Variants in COL22A1 observed in about 807,000 individuals in gnomAD.
COL22A1 encodes collagen type XXII alpha 1 chain.
Under a neutral mutation model 248.9 loss-of-function variants are expected in COL22A1, and 221 were observed. The ratio of observed to expected loss-of-function variants is 0.89; its 90% CI spans 0.80 to 0.99. The LOEUF (loss-of-function observed/expected upper bound fraction) is 0.99, where lower values mean the gene tolerates loss of function less well. Among genes scored for constraint, COL22A1 ranks in the 50% least tolerant of loss-of-function variants. The pLI is 0.00. For missense variants in COL22A1, 2,240 were observed against 2,179.0 expected (o/e 1.03, Z -0.56); for synonymous variants, 891 against 793.4 (o/e 1.12, Z -2.07).
chr8:138,841,321 A>C lies in COL22A1; in HGVS notation c.733+2763T>G, dbSNP rs138332815. On this transcript the variant is annotated intron_variant, in intron 4 of 64. Coordinates refer to ENST00000303045, the MANE Select transcript of COL22A1 (RefSeq NM_152888.3). ...CAAACAGCTCATATGCTTGCTGGGG[A>C]GGTAGACAGGGACGCAAATCATTAT... 4.6e-3 allele frequency among the ~76,000 whole-genome samples: 708 copies of C among 152,324 alleles called. 4 individuals carry two copies. The highest frequency in any genetic ancestry group is 0.016 in the African/African-American group (657 of 41,566).
chr8:138,796,771 C>A (rs371441558), intron 12 of COL22A1, 48 bp downstream of exon 12: 7 of 1,301,286 alleles, frequency 5.4e-6, no homozygotes, highest in Non-Finnish European at 7.8e-6. Flanking sequence ...AAACCTAAGT[C>A]CTCTGTCCCA....
rs761750166 is a variant in COL22A1 at position 138,760,255 on chromosome 8, G to A, written c.1890C>T (p.Pro630=). The change falls in exon 18 of 65, where the codon CCC becomes CCT. Residue 630 remains proline, a synonymous_variant. Coordinates refer to ENST00000303045, the MANE Select transcript of COL22A1 (RefSeq NM_152888.3). ...GRPGPSGVAG[P]QGEKGDVGPA... Reference sequence around the variant, plus strand: ...CAGGCTCGCTCACCTTTTCTCCCTGGGGTCCTGCCACACCAGAAGGGCCGG... The same window carrying A: ...CAGGCTCGCTCACCTTTTCTCCCTGAGGTCCTGCCACACCAGAAGGGCCGG... 8.1e-5 allele frequency: 128 copies of A among 1,589,960 alleles called. No individual in the cohort carries two copies. The highest frequency in any genetic ancestry group is 1.0e-4 in the Non-Finnish European group (118 of 1,168,654).
chr8:138,763,246 G>C (rs1371948156), intron 16 of COL22A1, among the ~76,000 whole-genome samples: 8 of 152,100 alleles, frequency 5.3e-5, no homozygotes, highest in Admixed American at 4.6e-4. Flanking sequence ...AATTAGCCGG[G>C]TGTGGTGGCG....
At chr8:138,874,537 T>C (rs6998323) in intron 3 of COL22A1, among the ~76,000 whole-genome samples, 115,936 of 152,154 alleles carry the variant, frequency 0.76, 44,408 homozygotes, top group East Asian at 0.87. Context: ...CATGACCTAC[T>C]GTAGTCCAGT....
chr8:138,811,352 TACAC>T (rs1310842645), intron 9 of COL22A1, among the ~76,000 whole-genome samples: 4 of 71,054 alleles, frequency 5.6e-5, no homozygotes, highest in Non-Finnish European at 1.5e-4. Flanking sequence ...TACACATATA[TACAC>T]ACATATATAT....
At chr8:138,659,411 G>A (rs894018469) in intron 44 of COL22A1, among the ~76,000 whole-genome samples, 3 of 152,156 alleles carry the variant, frequency 2.0e-5, no homozygotes, top group East Asian at 1.9e-4. Flanking sequence ...AAAGAGATAG[G>A]CAGCCTCTCA....
At chr8:138,667,772 A>G (rs28750514) in intron 41 of COL22A1, among the ~76,000 whole-genome samples, 6,739 of 152,270 alleles carry the variant, frequency 0.044, 434 homozygotes, top group African/African-American at 0.15. Context: ...ACTAATTGGT[A>G]CGAGCATTAG....
intron 62 of COL22A1, 61 bp downstream of exon 62, chr8:138,596,843 A>T: frequency 6.7e-7 from 1 of 1,483,846 alleles, no homozygotes. Context: ...TTCAAGGCTG[A>T]GTGAGAGAAC....
intron 49 of COL22A1, among the ~76,000 whole-genome samples, chr8:138,632,624 A>G (rs1049995557): frequency 7.2e-5 from 11 of 152,322 alleles, no homozygotes; most frequent in Admixed American, 2.6e-4. Flanking sequence ...AGATGTAAAA[A>G]TGACTACATC....
In COL22A1 at chr8:138,608,586, C is replaced by T. The variant is rs548771497; in HGVS notation, c.3979-597G>A. Reference sequence around the variant, plus strand: ...GACTGAGGCTTCCAAGTCTAATTTTCTCTAACTTCACAGAGATATATTGTG... The same window carrying T: ...GACTGAGGCTTCCAAGTCTAATTTTTTCTAACTTCACAGAGATATATTGTG... On this transcript the variant is annotated intron_variant, in intron 56 of 64. Transcript: ENST00000303045. Among the ~76,000 whole-genome samples the T allele has an allele frequency of 3.3e-5, 5 of 152,190 alleles. No individual in the cohort carries two copies. In the South Asian group the frequency reaches 8.3e-4, roughly 25 times the overall value.
intron 42 of COL22A1, among the ~76,000 whole-genome samples, chr8:138,662,454 G>A (rs1824051004): frequency 6.6e-6 from 1 of 152,110 alleles, no homozygotes; most frequent in Admixed American, 6.5e-5. Context: ...CTCTAACTAG[G>A]TGGTTAAAGA....
intron 47 of COL22A1, among the ~76,000 whole-genome samples, chr8:138,638,170 C>A (rs1455600690): frequency 1.3e-5 from 2 of 152,138 alleles, no homozygotes; most frequent in Non-Finnish European, 2.9e-5. Flanking sequence ...GGTTCAAATT[C>A]TTTAACTATT....
chr8:138,773,427 C>T (rs995670168), intron 16 of COL22A1, among the ~76,000 whole-genome samples: 2 of 152,186 alleles, frequency 1.3e-5, no homozygotes, highest in African/African-American at 4.8e-5. Flanking sequence ...TGGCTCTGTG[C>T]TCCTGTCCTT....
chr8:138,811,250 C>T (rs1818188091), intron 9 of COL22A1, among the ~76,000 whole-genome samples: 1 of 143,194 alleles, frequency 7.0e-6, no homozygotes, highest in Non-Finnish European at 1.5e-5. Flanking sequence ...AACACATAGA[C>T]AAAACTCTAC....
chr8:138,693,445 AAAGTC>A (rs1482097938), intron 35 of COL22A1, among the ~76,000 whole-genome samples, 196 bp downstream of exon 35: 1 of 152,338 alleles, frequency 6.6e-6, no homozygotes, highest in African/African-American at 2.4e-5. Context: ...GCATGTGGAC[AAAGTC>A]AAGAAATGCT....
chr8:138,832,781 G>T (rs1820149713), intron 5 of COL22A1, among the ~76,000 whole-genome samples: 1 of 152,202 alleles, frequency 6.6e-6, no homozygotes, highest in African/African-American at 2.4e-5. Context: ...ATGAATGAAT[G>T]ATTAATGCCA....
In COL22A1 at chr8:138,694,437, G is replaced by T. The variant is rs1827332127; in HGVS notation, c.2700+71C>A. 16 of 1,462,138 alleles carry T rather than the reference G, an allele frequency of 1.1e-5. No individual in the cohort carries two copies. In the South Asian group the frequency reaches 1.2e-4, roughly 11 times the overall value. The allele number at this position is 1,462,138 out of a possible 1,614,324, so 90.6% of individuals were successfully genotyped here. A position where few individuals can be genotyped will look rare whatever the true frequency, so the allele number is the denominator to read the frequency against. On this transcript the variant is annotated intron_variant, in intron 34 of 64. Coordinates refer to ENST00000303045, the MANE Select transcript of COL22A1 (RefSeq NM_152888.3). ...CCAGGGGAGAGAACTGGGGAGGGTGGCCTGGAGCGAGAGAGTGTGGCTGGG... is the reference window on the plus strand; with the variant it reads ...CCAGGGGAGAGAACTGGGGAGGGTGTCCTGGAGCGAGAGAGTGTGGCTGGG...
At chr8:138,637,762 T>G (rs2132039743) in intron 47 of COL22A1, among the ~76,000 whole-genome samples, 1 of 152,320 alleles carries the variant, frequency 6.6e-6, no homozygotes, top group East Asian at 1.9e-4. Context: ...TGACAGGTTG[T>G]GTGTTAGCTC....
At chr8:138,643,601 C>T (rs1821909006) in intron 47 of COL22A1, among the ~76,000 whole-genome samples, 1 of 122,314 alleles carries the variant, frequency 8.2e-6, no homozygotes, top group Admixed American at 8.0e-5. Flanking sequence ...AATAATATCC[C>T]TATGCAATAT....
Sources: allele counts gnomAD v4.1 joint callset (sites outside exome capture counted in the v4.1 genomes callset), GRCh38; gene constraint gnomAD v4.1.1; transcripts MANE v1.5; gene names NCBI Gene and HGNC (gene_info 2026-07-23, HGNC 2026-07-21).